The following ARHGEF10 variants were observed in gnomAD, a reference collection of about 807,000 sequenced individuals.
ARHGEF10 encodes the protein Rho guanine nucleotide exchange factor (GEF) 10.
A neutral mutation model predicts 147.4 loss-of-function variants in ARHGEF10; 140 were observed. The ratio of observed to expected loss-of-function variants is 0.95; its 90% CI spans 0.83 to 1.09. The LOEUF (loss-of-function observed/expected upper bound fraction) is 1.09. Ranked by LOEUF, ARHGEF10 falls within the 50% of genes least tolerant of loss-of-function variation. The probability of loss-of-function intolerance (pLI) is 0.00; values close to 1 mark genes in which losing one functional copy is unlikely to be tolerated. For synonymous variants in ARHGEF10, 902 were observed against 695.8 expected, an observed-to-expected ratio of 1.30 and a Z score of -4.67; for missense variants, 2,222 against 1,752.7, an observed-to-expected ratio of 1.27 and a Z score of -4.78.
intron 1 of ARHGEF10, among the ~76,000 whole-genome samples, chr8:1,840,489 GCTGTCCGGTGTGGGGA>G (rs768628706): frequency 4.4e-5 from 6 of 137,428 alleles, no homozygotes; most frequent in Non-Finnish European, 9.3e-5. Flanking sequence ...CTGTGTGGAA[GCTGTCCGGTGTGGGGA>G]CTGTCCGGTG....
rs1456794791 is a variant in ARHGEF10 at position 1,958,253 on chromosome 8, G to C, written c.*990G>C. 1.3e-5 allele frequency: 2 copies of C among 152,196 alleles called. No individual in the cohort carries two copies. The highest frequency in any genetic ancestry group is 2.1e-4 in the South Asian group (1 of 4,828). 9.4% of individuals were successfully genotyped at this position (152,196 alleles called of 1,614,324 possible). ...GACTCAGGCCAAGAGGCGTGACCTC[G>C]GGCCAGCCTGTCTGTTGTGCAGACG... On this transcript the variant is annotated 3_prime_UTR_variant, in exon 29 of 29. Coordinates refer to ENST00000349830, the MANE Select transcript of ARHGEF10 (RefSeq NM_014629.4).
Position 1,882,583 on chromosome 8 carries a change from C to T in ARHGEF10, c.961-52C>T, listed in dbSNP as rs528989089. On this transcript the variant is annotated intron_variant, in intron 9 of 28. Coordinates refer to ENST00000349830, the MANE Select transcript of ARHGEF10 (RefSeq NM_014629.4). ...TCTTTTAAAACAGGCAAATGAAAGT[C>T]GCAGGTGGGTTCTGCCGCCGTCCCG... 1.1e-4 allele frequency: 160 copies of T among 1,415,920 alleles called. No individual in the cohort carries two copies. In the East Asian group the frequency reaches 3.7e-3, roughly 33 times the overall value. 87.7% of individuals were successfully genotyped at this position (1,415,920 alleles called of 1,614,324 possible). A position where few individuals can be genotyped will look rare whatever the true frequency, so the allele number is the denominator to read the frequency against.
At chr8:1,884,803 C>T (rs1027693076) in intron 10 of ARHGEF10, among the ~76,000 whole-genome samples, 15 of 152,174 alleles carry the variant, frequency 9.9e-5, no homozygotes, top group East Asian at 3.9e-4. Flanking sequence ...CTCACTCTGT[C>T]GCCCAGGCTG....
intron 2 of ARHGEF10, 143 bp downstream of exon 2, chr8:1,843,579 G>C (rs1006946630): frequency 1.5e-5 from 11 of 730,536 alleles, no homozygotes; most frequent in Non-Finnish European, 2.4e-5. Context: ...AGAAGGTTCT[G>C]ACGTGAGCCT....
intron 23 of ARHGEF10, 92 bp downstream of exon 23, chr8:1,926,555 T>G (rs750783141): frequency 4.9e-6 from 6 of 1,233,952 alleles, no homozygotes; most frequent in Non-Finnish European, 7.1e-6. Flanking sequence ...AATTGCTCAG[T>G]AGAGAGTTGG....
At chr8:1,882,790 TGG>T (rs34599746) in intron 10 of ARHGEF10, 41 bp downstream of exon 10, 9 of 996,936 alleles carry the variant, frequency 9.0e-6, no homozygotes, top group Admixed American at 2.2e-5. Context: ...GACACGGGGT[TGG>T]GGGGGGCGGC....
chr8:1,857,632 C>G (rs181354365), intron 2 of ARHGEF10, among the ~76,000 whole-genome samples: 1 of 151,964 alleles, frequency 6.6e-6, no homozygotes, highest in Non-Finnish European at 1.5e-5. Context: ...GTTGGCCAGG[C>G]TGGTCTCAAG....
chr8:1,876,480 T>C, intron 7 of ARHGEF10, 91 bp from the exon 8 acceptor site: 1 of 1,313,954 alleles, frequency 7.6e-7, no homozygotes, highest in Non-Finnish European at 1.1e-6. Flanking sequence ...CACCCCCAGC[T>C]CTAGATGATT....
chr8:1,895,501 T>G lies in ARHGEF10; in HGVS notation c.1441-832T>G, dbSNP rs139642239. ...GGAAACAAAATTCTTTCAAAGATAT[T>G]TGCATAATACCGTTTATGGATCCTT... On this transcript the variant is annotated intron_variant, in intron 13 of 28. Coordinates refer to ENST00000349830, the MANE Select transcript of ARHGEF10 (RefSeq NM_014629.4). Among the ~76,000 whole-genome samples, 803 of 152,322 alleles carry G rather than the reference T, an allele frequency of 5.3e-3. 12 individuals are homozygous for G. Among genetic ancestry groups the G allele is most frequent in the African/African-American group, 0.018 (740 of 41,566 alleles).
rs547564131 is a variant in ARHGEF10 at position 1,928,862 on chromosome 8, G to C, written c.2921+212G>C. 1.4e-3 allele frequency among the ~76,000 whole-genome samples: 206 copies of C among 152,304 alleles called. 3 individuals carry two copies. Among genetic ancestry groups the C allele is most frequent in the Non-Finnish European group, 8.1e-4 (55 of 68,018 alleles). On this transcript the variant is annotated intron_variant, in intron 24 of 28. Transcript: ENST00000349830. ...AATTATTCTAGGAAACTCTTAAAGA[G>C]AAGTGGTATTTCTTTAAAGGGGACA...
intron 11 of ARHGEF10, among the ~76,000 whole-genome samples, chr8:1,890,705 G>A (rs953286827): frequency 6.6e-5 from 10 of 152,128 alleles, no homozygotes; most frequent in African/African-American, 2.4e-4. Context: ...GGGTCACGGG[G>A]TCCGTGGGGT....
chr8:1,949,119 GC>G (rs1383655931), intron 27 of ARHGEF10, among the ~76,000 whole-genome samples: 1 of 152,044 alleles, frequency 6.6e-6, no homozygotes, highest in Non-Finnish European at 1.5e-5. Context: ...ATGAAGACTT[GC>G]CAAGCCGAAA....
chr8:1,905,073 G>C (rs540068302), intron 16 of ARHGEF10, among the ~76,000 whole-genome samples: 1 of 152,336 alleles, frequency 6.6e-6, no homozygotes, highest in South Asian at 2.1e-4. Context: ...AGGTTGCAGT[G>C]AGTTGAGATT....
intron 10 of ARHGEF10, among the ~76,000 whole-genome samples, chr8:1,883,798 C>T (rs993748570): frequency 3.3e-5 from 5 of 152,180 alleles, no homozygotes; most frequent in African/African-American, 1.2e-4. Flanking sequence ...CTGGAAAGCA[C>T]AGGCAGCTCT....
chr8:1,859,703 TGCCC>T (rs1805932234), intron 3 of ARHGEF10, among the ~76,000 whole-genome samples, 190 bp from the exon 4 acceptor site: 1 of 152,202 alleles, frequency 6.6e-6, no homozygotes, highest in South Asian at 2.1e-4. Context: ...GTCTCACCTG[TGCCC>T]AGAGGTGATG....
chr8:1,932,062 C>CG (rs1813190002), intron 25 of ARHGEF10, among the ~76,000 whole-genome samples: 1 of 152,160 alleles, frequency 6.6e-6, no homozygotes, highest in Admixed American at 6.5e-5. Context: ...GCACAGTGGG[C>CG]GGTGCATAGA....
At chr8:1,928,385 C>T (rs766829340) in intron 23 of ARHGEF10, 42 bp from the exon 24 acceptor site, 1 of 1,591,978 alleles carries the variant, frequency 6.3e-7, no homozygotes, top group Non-Finnish European at 8.6e-7. Flanking sequence ...TGGAAGCCGC[C>T]ACATGGTCGT....
intron 3 of ARHGEF10, among the ~76,000 whole-genome samples, chr8:1,859,448 A>G (rs1265027073): frequency 4.8e-5 from 7 of 147,042 alleles, no homozygotes; most frequent in Non-Finnish European, 7.4e-5. Context: ...CTCTGCTTAC[A>G]TGGTGTTTCT....
rs533620384 is a variant in ARHGEF10, at chr8:1,957,963, G to C, written c.*700G>C. The C allele has an allele frequency of 6.6e-6, 1 of 152,332 alleles. No individual in the cohort carries two copies. The highest frequency in any genetic ancestry group is 2.1e-4 in the South Asian group (1 of 4,828). The allele number at this position is 152,332 out of a possible 1,614,324, so 9.4% of individuals were successfully genotyped here. A position where few individuals can be genotyped will look rare whatever the true frequency, so the allele number is the denominator to read the frequency against. On this transcript the variant is annotated 3_prime_UTR_variant, in exon 29 of 29. Transcript: ENST00000349830. ...CTGTAGCATTTCACAAATAATGTTTGCTTTGAACCAAAATGCTCAGTGCCT... is the reference window on the plus strand; with the variant it reads ...CTGTAGCATTTCACAAATAATGTTTCCTTTGAACCAAAATGCTCAGTGCCT...
Sources: gnomAD v4.1 joint callset for allele counts (sites outside exome capture counted in the v4.1 genomes callset) on GRCh38, gnomAD v4.1.1 for gene constraint, MANE v1.5 for transcripts, NCBI Gene and HGNC (gene_info 2026-07-23, HGNC 2026-07-21) for gene names.